SIGLEC1: variants seen among roughly 807,000 people sequenced by gnomAD.
The protein encoded by SIGLEC1 is sialoadhesin.
Under a neutral mutation model 148.0 loss-of-function variants are expected in SIGLEC1, and 132 were observed. The observed-to-expected ratio is 0.89, with a 90% CI of 0.77 to 1.03. SIGLEC1 has a LOEUF of 1.03. Ranked by LOEUF, SIGLEC1 falls within the 50% of genes least tolerant of loss-of-function variation. The pLI is 0.00. For synonymous variants in SIGLEC1, 945 were observed against 969.0 expected (o/e 0.98, Z 0.46); for missense variants, 2,253 against 2,271.4 (o/e 0.99, Z 0.16).
chr20:3,712,374 C>T (rs1051642891), intron 1 of SIGLEC1, among the ~76,000 whole-genome samples, 96 bp downstream of exon 1: 10 of 151,494 alleles, frequency 6.6e-5, no homozygotes, highest in Non-Finnish European at 4.4e-5. Flanking sequence ...AGCCCCCCCC[C>T]GACCCCTGCC....
intron 1 of SIGLEC1, among the ~76,000 whole-genome samples, chr20:3,711,458 A>G (rs1233701445): frequency 2.0e-5 from 3 of 152,148 alleles, no homozygotes; most frequent in Admixed American, 6.5e-5. Context: ...GGGCAGAGGC[A>G]GTTTCCCTAT....
intron 7 of SIGLEC1, among the ~76,000 whole-genome samples, chr20:3,700,035 C>T (rs1038327998): frequency 4.6e-5 from 7 of 150,790 alleles, no homozygotes; most frequent in Non-Finnish European, 7.4e-5. Context: ...CTCGAACTCC[C>T]GACCTCTGGT....
intron 10 of SIGLEC1, 32 bp from the exon 11 acceptor site, chr20:3,696,920 GC>G: frequency 6.5e-7 from 1 of 1,540,758 alleles, no homozygotes; most frequent in Admixed American, 1.9e-5. Context: ...AGGCCACCCA[GC>G]CTAGCTCACC....
intron 9 of SIGLEC1, 37 bp downstream of exon 9, chr20:3,697,761 C>T: frequency 6.3e-7 from 1 of 1,592,706 alleles, no homozygotes; most frequent in Non-Finnish European, 8.6e-7. Flanking sequence ...GAGCTCCAGC[C>T]CCTGCCCCCA....
At position 3,690,191 on chromosome 20, in the gene SIGLEC1, T is replaced by C. The variant is rs2088743000; in HGVS notation, c.4665A>G (p.Arg1555=). The change falls in exon 19 of 22, where the codon CGA becomes CGG. Residue 1555 remains arginine, a synonymous_variant. Coordinates refer to ENST00000344754, the MANE Select transcript of SIGLEC1 (RefSeq NM_023068.4). ...EGGLRGILDC[R]VDSEPLASLT... is the part of the protein sequence containing the mutation. ...GGCTGGCGAGCGGCTCGCTGTCCAC[T>C]CGGCAATCCAGGATGCCCCGGAGGC... 3 of 1,566,410 alleles carry C rather than the reference T, an allele frequency of 1.9e-6. No individual in the cohort carries two copies. Among genetic ancestry groups the C allele is most frequent in the Non-Finnish European group, 2.6e-6 (3 of 1,156,640 alleles).
At position 3,694,876 on chromosome 20, in the gene SIGLEC1, C is replaced by G; in HGVS notation, c.2731G>C (p.Ala911Pro). Residue 911 changes from alanine (A) to proline (P), a missense_variant, in exon 12 of 22, where the codon GCT becomes CCT. Physicochemically the swap from Ala to Pro is conservative, Grantham distance 27. Coordinates refer to ENST00000344754, the MANE Select transcript of SIGLEC1 (RefSeq NM_023068.4). ...TGTACCTGGCAGCTCAGGACCACAGCCTGGCCCTCTTGGAGCTCAGGTGAT... is the reference window on the plus strand; with the variant it reads ...TGTACCTGGCAGCTCAGGACCACAGGCTGGCCCTCTTGGAGCTCAGGTGAT... Reference protein sequence around the residue: ...SPSPELQEGQAVVLSCQVHTG... With the variant: ...SPSPELQEGQPVVLSCQVHTG... 6.2e-7 allele frequency: 1 copy of G among 1,613,220 alleles called. No individual in the cohort carries two copies. The highest frequency in any genetic ancestry group is 8.5e-7 in the Non-Finnish European group (1 of 1,179,952).
In SIGLEC1 at chr20:3,689,952, C is replaced by T. The variant is rs1166118292; in HGVS notation, c.4894+10G>A. The T allele has an allele frequency of 6.2e-7, 1 of 1,606,496 alleles. No homozygotes were observed. The highest frequency in any genetic ancestry group is 8.5e-7 in the Non-Finnish European group (1 of 1,175,964). On this transcript the variant is annotated intron_variant, in intron 19 of 21. Transcript: ENST00000344754. ...AGAGTGGCCTGGGAGATGGAGCCCCCTCCCCTCACCTCTGACCCCAAAGTA... is the reference window on the plus strand; with the variant it reads ...AGAGTGGCCTGGGAGATGGAGCCCCTTCCCCTCACCTCTGACCCCAAAGTA...
rs143128555 is a variant in SIGLEC1 at position 3,690,037 on chromosome 20, C to T, written c.4819G>A (p.Asp1607Asn). Reference sequence around the variant, plus strand: ...GCAGAACAGATGTATTCCCCTTGGTCGCTGGGCCTCAGCGCCTCGATGTCC... The same window carrying T: ...GCAGAACAGATGTATTCCCCTTGGTTGCTGGGCCTCAGCGCCTCGATGTCC... ...RVDIEALRPS[D>N]QGEYICSASN... Residue 1607 changes from aspartate (D) to asparagine (N), a missense_variant, in exon 19 of 22, where the codon GAC becomes AAC. Transcript: ENST00000344754. The T allele has an allele frequency of 2.0e-5, 33 of 1,612,696 alleles. No homozygotes were observed. The highest frequency in any genetic ancestry group is 8.3e-5 in the Admixed American group (5 of 59,932).
At chr20:3,711,733 G>A (rs1378794757) in intron 1 of SIGLEC1, among the ~76,000 whole-genome samples, 1 of 152,214 alleles carries the variant, frequency 6.6e-6, no homozygotes, top group Non-Finnish European at 1.5e-5. Context: ...GCTTTGACAT[G>A]GGCAGTAGAA....
intron 6 of SIGLEC1, 174 bp downstream of exon 6, chr20:3,703,023 A>G (rs2087863553): frequency 1.5e-6 from 1 of 648,180 alleles, no homozygotes; most frequent in Non-Finnish European, 2.7e-6. Flanking sequence ...AATAGGAGGG[A>G]ACTAGGGAGG....
In SIGLEC1 at chr20:3,692,614, C is replaced by T. The variant is rs200825851; in HGVS notation, c.3937G>A (p.Val1313Met). 8 of 1,612,954 alleles carry T rather than the reference C, an allele frequency of 5.0e-6. No individual in the cohort carries two copies. Among genetic ancestry groups the T allele is most frequent in the South Asian group, 4.4e-5 (4 of 91,082 alleles). ...EGPAASLSFLVATRAHAGAYS... is the reference protein window; with the variant it reads ...EGPAASLSFLMATRAHAGAYS... ...GCGCCTGCATGAGCCCGCGTGGCCA[C>T]CAGGAATGAGAGTGAGGCAGCTGGA... The change falls in exon 16 of 22, where the codon GTG (valine) becomes ATG (methionine). Residue 1313 changes from valine (V) to methionine (M), a missense_variant. Transcript: ENST00000344754.
chr20:3,706,366 GC>G lies in SIGLEC1; in HGVS notation c.389del (p.Gly130AlafsTer6). On this transcript the variant is annotated frameshift_variant, in exon 3 of 22. Transcript: ENST00000344754. LOFTEE classifies it high-confidence loss of function. ...TATCACCTGTTACTGTGACCAAGGT[GC>G]CTTTCACATCTGACCAGCGGTTGAC... ...SEVNRWSDVK[G>X]TLVTVTEEPR... is the part of the protein sequence containing the mutation. 6.2e-7 allele frequency: 1 copy of G among 1,611,346 alleles called. No homozygotes were observed. Among genetic ancestry groups the G allele is most frequent in the South Asian group, 1.1e-5 (1 of 91,062 alleles).
intron 11 of SIGLEC1, 113 bp from the exon 12 acceptor site, chr20:3,695,036 C>T: frequency 1.8e-6 from 2 of 1,123,702 alleles, no homozygotes; most frequent in East Asian, 2.6e-5. Context: ...GCTGGAGCCG[C>T]AGCCCCTTCC....
chr20:3,692,496 C>T, intron 16 of SIGLEC1, 25 bp downstream of exon 16: 3 of 1,564,400 alleles, frequency 1.9e-6, no homozygotes, highest in Non-Finnish European at 1.7e-6. Context: ...TCCTGGGCAG[C>T]CCTGGCCAAG....
chr20:3,689,691 G>A lies in SIGLEC1; in HGVS notation c.4906C>T (p.Leu1636=), dbSNP rs1568837580. The A allele has an allele frequency of 6.3e-7, 1 of 1,576,318 alleles. No individual in the cohort carries two copies. ...CAGAGCAGCTGCTGGAACTGATGCA[G>A]GCGGTGCAGGGCTGGAACACAGAGC... ...TYFGVRALHR[L]HQFQQLLWVL... The change falls in exon 20 of 22, where the codon CTG becomes TTG. Residue 1636 remains leucine (L), a synonymous_variant. Transcript: ENST00000344754.
At position 3,694,313 on chromosome 20, in the gene SIGLEC1, T is replaced by G. The variant is rs1252986257; in HGVS notation, c.3164A>C (p.His1055Pro). 6.2e-7 allele frequency: 1 copy of G among 1,613,042 alleles called. No homozygotes were observed. The highest frequency in any genetic ancestry group is 1.1e-5 in the South Asian group (1 of 91,078). Residue 1055 changes from histidine to proline, a missense_variant, in exon 13 of 22, where the codon CAC (histidine) becomes CCC (proline). Transcript: ENST00000344754. ...ACCCTCATCCTCCAGCATAGCCCCGTGGATCTCCAGACGCAGTGTGTTGGG... is the reference window on the plus strand; with the variant it reads ...ACCCTCATCCTCCAGCATAGCCCCGGGGATCTCCAGACGCAGTGTGTTGGG... ...VAPNTLRLEIHGAMLEDEGVY... is the reference protein window; with the variant it reads ...VAPNTLRLEIPGAMLEDEGVY...
Position 3,693,429 on chromosome 20 carries a change from G to C in SIGLEC1, c.3508+18C>G, listed in dbSNP as rs767946854. The C allele has an allele frequency of 3.9e-6, 6 of 1,549,076 alleles. No homozygotes were observed. In the East Asian group the frequency reaches 1.1e-4, roughly 29 times the overall value. ...CTGTCATTCCTGTGAGTCCCACCCT[G>C]CATCCAGCCAGACTCACAGAGGACG... On this transcript the variant is annotated intron_variant, in intron 14 of 21. Coordinates refer to ENST00000344754, the MANE Select transcript of SIGLEC1 (RefSeq NM_023068.4).
In SIGLEC1 at chr20:3,690,064, C is replaced by T; in HGVS notation, c.4792G>A (p.Val1598Met). 1 of 1,612,230 alleles carries T rather than the reference C, an allele frequency of 6.2e-7. No individual in the cohort carries two copies. Among genetic ancestry groups the T allele is most frequent in the South Asian group, 1.1e-5 (1 of 90,664 alleles). The change falls in exon 19 of 22, where the codon GTG becomes ATG. Residue 1598 changes from valine to methionine, a missense_variant. Coordinates refer to ENST00000344754, the MANE Select transcript of SIGLEC1 (RefSeq NM_023068.4). Reference sequence around the variant, plus strand: ...CTGGGCCTCAGCGCCTCGATGTCCACCCTCAGGGCATTGGGGGAAGCCAGG... The same window carrying T: ...CTGGGCCTCAGCGCCTCGATGTCCATCCTCAGGGCATTGGGGGAAGCCAGG... ...HVLASPNALR[V>M]DIEALRPSDQ...
chr20:3,704,352 T>C (rs1273523639), intron 4 of SIGLEC1, among the ~76,000 whole-genome samples: 1 of 152,176 alleles, frequency 6.6e-6, no homozygotes, highest in Non-Finnish European at 1.5e-5. Flanking sequence ...CCACCAGCTG[T>C]AGTTTTCTGC....
Sources: allele counts gnomAD v4.1 joint callset (sites outside exome capture counted in the v4.1 genomes callset), GRCh38; gene constraint gnomAD v4.1.1; transcripts MANE v1.5; gene names NCBI Gene and HGNC (gene_info 2026-07-23, HGNC 2026-07-21).